Variants in KCNIP4 observed in about 807,000 individuals in gnomAD.
KCNIP4 encodes the protein Kv channel-interacting protein 4.
In KCNIP4, 12 loss-of-function variants were observed where a neutral mutation model predicts 34.0. That is an observed-to-expected ratio of 0.35 (90% confidence interval 0.23 to 0.57). The LOEUF (loss-of-function observed/expected upper bound fraction) is 0.57. KCNIP4 is among the 20% of genes least tolerant of loss of function. The probability of loss-of-function intolerance (pLI) is 0.83; values close to 1 mark genes in which losing one functional copy is unlikely to be tolerated. For synonymous variants in KCNIP4, 124 were observed against 102.2 expected, an observed-to-expected ratio of 1.21 and a Z score of -1.29; for missense variants, 238 against 311.7, an observed-to-expected ratio of 0.76 and a Z score of 1.78.
At chr4:21,127,901 C>A (rs1009729829) in intron 1 of KCNIP4, among the ~76,000 whole-genome samples, 1 of 152,210 alleles carries the variant, frequency 6.6e-6, no homozygotes, top group African/African-American at 2.4e-5. Flanking sequence ...TCAGTCCAGG[C>A]TTTGGAGCCA....
At chr4:21,581,058 C>A (rs551892695) in intron 1 of KCNIP4, among the ~76,000 whole-genome samples, 26 of 152,116 alleles carry the variant, frequency 1.7e-4, no homozygotes, top group African/African-American at 6.0e-4. Context: ...TGTCACTCCA[C>A]TTGATGACAT....
intron 1 of KCNIP4, among the ~76,000 whole-genome samples, chr4:21,355,419 A>G (rs920558185): frequency 6.6e-6 from 1 of 152,150 alleles, no homozygotes; most frequent in Non-Finnish European, 1.5e-5. Flanking sequence ...GACTAATAAG[A>G]AGAAAAGAGA....
In KCNIP4 at chr4:21,797,040, T is replaced by C. The variant is rs145900616; in HGVS notation, c.61+151531A>G. 1.1e-3 allele frequency among the ~76,000 whole-genome samples: 166 copies of C among 152,326 alleles called. 1 individual carries two copies. The highest frequency in any genetic ancestry group is 3.7e-3 in the African/African-American group (154 of 41,576). ...GGTTTGTATTTTCTACCATCACTAGTCACAGAAGCCACTCAGCCTTCCCTT... is the reference window on the plus strand; with the variant it reads ...GGTTTGTATTTTCTACCATCACTAGCCACAGAAGCCACTCAGCCTTCCCTT... On this transcript the variant is annotated intron_variant, in intron 1 of 8. Coordinates refer to ENST00000382152, the MANE Select transcript of KCNIP4 (RefSeq NM_025221.6).
intron 1 of KCNIP4, among the ~76,000 whole-genome samples, chr4:20,916,995 A>T (rs1728898102): frequency 4.1e-4 from 1 of 2,432 alleles, no homozygotes; most frequent in Non-Finnish European, 7.9e-4. Flanking sequence ...TTATATATAT[A>T]TATATATATA....
intron 1 of KCNIP4, among the ~76,000 whole-genome samples, chr4:21,599,585 A>G (rs938596236): frequency 6.6e-6 from 1 of 152,116 alleles, no homozygotes; most frequent in African/African-American, 2.4e-5. Flanking sequence ...TAAGCTTGAG[A>G]GCAAAATAAT....
intron 1 of KCNIP4, among the ~76,000 whole-genome samples, chr4:21,840,791 A>G (rs1723628095): frequency 6.6e-6 from 1 of 152,196 alleles, no homozygotes; most frequent in South Asian, 2.1e-4. Context: ...ACTATGTATT[A>G]ATTTGTTATA....
intron 1 of KCNIP4, among the ~76,000 whole-genome samples, chr4:21,308,087 G>A (rs1712690470): frequency 6.6e-6 from 1 of 152,172 alleles, no homozygotes; most frequent in South Asian, 2.1e-4. Flanking sequence ...TCGCAGCGTG[G>A]ATTCAAACTA....
rs28633757 is a variant in KCNIP4 at position 21,424,325 on chromosome 4, C to T, written c.61+524246G>A. On this transcript the variant is annotated intron_variant, in intron 1 of 8. Transcript: ENST00000382152. ...TGGTGGCTCATGCCTGTAATCCCTG[C>T]AATTTGGGAGGCCAAGGTGGGACGA... Among the ~76,000 whole-genome samples, 903 of 151,564 alleles carry T rather than the reference C, an allele frequency of 6.0e-3. 12 individuals carry two copies. Among genetic ancestry groups the T allele is most frequent in the African/African-American group, 0.021 (856 of 41,354 alleles).
intron 1 of KCNIP4, among the ~76,000 whole-genome samples, chr4:21,615,816 G>A (rs1285548136): frequency 6.6e-6 from 1 of 152,106 alleles, no homozygotes; most frequent in Non-Finnish European, 1.5e-5. Context: ...AGGAAATCTT[G>A]TTGATTCTAT....
intron 4 of KCNIP4, among the ~76,000 whole-genome samples, chr4:20,757,566 G>T (rs1420124679): frequency 6.6e-6 from 1 of 152,062 alleles, no homozygotes; most frequent in Non-Finnish European, 1.5e-5. Context: ...GCAATTTCCT[G>T]CAAATGCCCA....
At chr4:21,475,779 C>T (rs10516389) in intron 1 of KCNIP4, among the ~76,000 whole-genome samples, 19,007 of 152,212 alleles carry the variant, frequency 0.12, 1,357 homozygotes, top group South Asian at 0.21. Context: ...TCTAGAGTGA[C>T]TTCTGATTTT....
chr4:21,550,853 T>G (rs1047645199), intron 1 of KCNIP4, among the ~76,000 whole-genome samples: 3 of 152,134 alleles, frequency 2.0e-5, no homozygotes, highest in African/African-American at 7.2e-5. Context: ...ATCTTTTGAA[T>G]CTGCCAAAGC....
At chr4:21,193,113 C>CT (rs1755798798) in intron 1 of KCNIP4, among the ~76,000 whole-genome samples, 1 of 103,210 alleles carries the variant, frequency 9.7e-6, no homozygotes, top group Non-Finnish European at 1.8e-5. Context: ...AAGACCCTGG[C>CT]TAAAAAAAAA....
chr4:21,417,253 T>C (rs1725032969), intron 1 of KCNIP4, among the ~76,000 whole-genome samples: 3 of 152,072 alleles, frequency 2.0e-5, no homozygotes, highest in South Asian at 2.1e-4. Flanking sequence ...CCATCACATG[T>C]TGGAAAATTA....
At position 20,732,713 on chromosome 4, in the gene KCNIP4, C is replaced by T. The variant is rs1294896059; in HGVS notation, c.610G>A (p.Ala204Thr). 2 of 1,612,184 alleles carry T rather than the reference C, an allele frequency of 1.2e-6. No individual in the cohort carries two copies. The highest frequency in any genetic ancestry group is 2.7e-5 in the African/African-American group (2 of 74,820). The change falls in exon 7 of 9, where the codon GCT becomes ACT. Residue 204 changes from alanine to threonine, a missense_variant. Coordinates refer to ENST00000382152, the MANE Select transcript of KCNIP4 (RefSeq NM_025221.6). ...KCTYPVLKED[A>T]PRQHVETFFQ... ...AATGTTTCAACGTGTTGTCTGGGAG[C>T]ATCTTCTTTGAGGACAGGATATGTA...
At chr4:21,833,953 C>A (rs1488509838) in intron 1 of KCNIP4, among the ~76,000 whole-genome samples, 4 of 151,850 alleles carry the variant, frequency 2.6e-5, no homozygotes, top group Non-Finnish European at 5.9e-5. Flanking sequence ...TGATCTATAT[C>A]TCTGTTTTGG....
chr4:21,270,984 C>CA (rs1762108684), intron 1 of KCNIP4, among the ~76,000 whole-genome samples: 1 of 54,540 alleles, frequency 1.8e-5, no homozygotes, highest in South Asian at 8.6e-4. Context: ...AGTCCCTGTC[C>CA]CCAAAAAAAA....
intron 1 of KCNIP4, among the ~76,000 whole-genome samples, chr4:21,484,206 C>T (rs974892849): frequency 2.0e-5 from 3 of 152,164 alleles, no homozygotes; most frequent in East Asian, 1.9e-4. Flanking sequence ...GTGGGCAGAT[C>T]GCCTGAGGTC....
At chr4:21,924,498 C>A (rs149045764) in intron 1 of KCNIP4, among the ~76,000 whole-genome samples, 1 of 152,056 alleles carries the variant, frequency 6.6e-6, no homozygotes, top group Non-Finnish European at 1.5e-5. Flanking sequence ...TCCGTCTCGG[C>A]CTCCCAAAGT....
Sources: allele counts gnomAD v4.1 joint callset (sites outside exome capture counted in the v4.1 genomes callset), GRCh38; gene constraint gnomAD v4.1.1; transcripts MANE v1.5; gene names NCBI Gene and HGNC (gene_info 2026-07-23, HGNC 2026-07-21).